SMNDC1: variants seen among roughly 807,000 people sequenced by gnomAD.
SMNDC1 encodes the protein survival motor neuron domain containing 1.
Under a neutral mutation model 29.2 loss-of-function variants are expected in SMNDC1, and 5 were observed. The ratio of observed to expected loss-of-function variants is 0.17; its 90% CI spans 0.09 to 0.36. The LOEUF is 0.36. Ranked by LOEUF, SMNDC1 falls within the 10% of genes least tolerant of loss-of-function variation. The pLI is 1.00. For missense variants in SMNDC1, 142 were observed against 268.5 expected, an observed-to-expected ratio of 0.53 and a Z score of 3.29; for synonymous variants, 80 against 89.9, an observed-to-expected ratio of 0.89 and a Z score of 0.62.
chr10:110,297,655 T>C lies in SMNDC1; in HGVS notation c.337A>G (p.Asn113Asp). 1.2e-6 allele frequency: 2 copies of C among 1,614,062 alleles called. No individual in the cohort carries two copies. Among genetic ancestry groups the C allele is most frequent in the Non-Finnish European group, 1.7e-6 (2 of 1,179,968 alleles). ...TAAITFAGYGNAEVTPLLNLK... is the reference protein window; with the variant it reads ...TAAITFAGYGDAEVTPLLNLK... ...TTCAACAGTGGAGTCACTTCAGCAT[T>C]GCCATAACCAGCAAAGGTGATTGCA... Residue 113 changes from asparagine to aspartate, a missense_variant, in exon 4 of 6, where the codon AAT becomes GAT. Coordinates refer to ENST00000369603, the MANE Select transcript of SMNDC1 (RefSeq NM_005871.4).
chr10:110,298,752 T>C lies in SMNDC1; in HGVS notation c.159A>G (p.Gln53=), dbSNP rs190095495. 1.4e-5 allele frequency: 22 copies of C among 1,613,764 alleles called. No homozygotes were observed. The highest frequency in any genetic ancestry group is 8.3e-5 in the Admixed American group (5 of 59,966). ...CTGAACTTGCAAGCGTCTCAGAAGG[T>C]TGAGTTGACAGAAGGTCTTTGGTTA... is the stretch of plus-strand genomic sequence containing the variant. ...IELTKDLLST[Q]PSETLASSDS... is the part of the protein sequence containing the mutation. Residue 53 remains glutamine (Q), a synonymous_variant, in exon 3 of 6, where the codon CAA becomes CAG. Coordinates refer to ENST00000369603, the MANE Select transcript of SMNDC1 (RefSeq NM_005871.4).
intron 4 of SMNDC1, among the ~76,000 whole-genome samples, chr10:110,297,204 G>A (rs1369081561): frequency 6.6e-6 from 1 of 152,096 alleles, no homozygotes; most frequent in East Asian, 1.9e-4. Flanking sequence ...TGTTTACACT[G>A]TACTATTAAA....
intron 1 of SMNDC1, 73 bp from the exon 2 acceptor site, chr10:110,303,660 T>C: frequency 6.8e-7 from 1 of 1,471,296 alleles, no homozygotes. Context: ...AACTCCCCTG[T>C]CTGCCTGAAT....
chr10:110,299,211 C>T (rs1163480574), intron 2 of SMNDC1, among the ~76,000 whole-genome samples: 1 of 152,208 alleles, frequency 6.6e-6, no homozygotes, highest in Non-Finnish European at 1.5e-5. Flanking sequence ...GCAGTATTAA[C>T]TGCCAAGCAA....
At chr10:110,303,361 T>A in intron 2 of SMNDC1, 107 bp downstream of exon 2, 1 of 930,942 alleles carries the variant, frequency 1.1e-6, no homozygotes, top group South Asian at 2.0e-5. Context: ...AATTTACATA[T>A]ATACATAGGG....
At chr10:110,298,064 C>G (rs1198136156) in intron 3 of SMNDC1, among the ~76,000 whole-genome samples, 1 of 152,206 alleles carries the variant, frequency 6.6e-6, no homozygotes, top group Admixed American at 6.5e-5. Context: ...TCTCAGCTCA[C>G]TTCAACCTCC....
Position 110,292,290 on chromosome 10 carries a change from T to A in SMNDC1, c.*1860A>T, listed in dbSNP as rs1309760735. 6.6e-6 allele frequency: 1 copy of A among 151,756 alleles called. No individual in the cohort carries two copies. The highest frequency in any genetic ancestry group is 1.5e-5 in the Non-Finnish European group (1 of 67,928). 9.4% of individuals were successfully genotyped at this position (151,756 alleles called of 1,614,324 possible). A position where few individuals can be genotyped will look rare whatever the true frequency, so the allele number is the denominator to read the frequency against. ...AAAGGTCTATTTTCAAAACATTTTT[T>A]TTTAAGGTCACTTTTATTCTTTTTC... On this transcript the variant is annotated 3_prime_UTR_variant, in exon 6 of 6. Coordinates refer to ENST00000369603, the MANE Select transcript of SMNDC1 (RefSeq NM_005871.4).
rs765877440 is a variant in SMNDC1 at position 110,303,795 on chromosome 10, T to C, written c.1-208A>G. ...GCAACAGATTCTGAGGATTATAAAC[T>C]TGAGATACATTCCATACTTTAAAAA... On this transcript the variant is annotated intron_variant, in intron 1 of 5. Transcript: ENST00000369603. 3 of 496,374 alleles carry C rather than the reference T, an allele frequency of 6.0e-6. No homozygotes were observed. The Admixed American group carries it at 1.3e-4, about 22-fold the overall frequency. The allele number at this position is 496,374 out of a possible 1,614,324, so 30.7% of individuals were successfully genotyped here.
At chr10:110,302,859 G>T (rs1404929371) in intron 2 of SMNDC1, among the ~76,000 whole-genome samples, 3 of 152,134 alleles carry the variant, frequency 2.0e-5, no homozygotes, top group Non-Finnish European at 4.4e-5. Flanking sequence ...CCATGACAAA[G>T]ATCTCCTTTT....
At chr10:110,303,086 C>A (rs956321606) in intron 2 of SMNDC1, among the ~76,000 whole-genome samples, 1 of 151,740 alleles carries the variant, frequency 6.6e-6, no homozygotes, top group African/African-American at 2.4e-5. Context: ...TCTTAAGGTT[C>A]TATTTTTCTC....
intron 2 of SMNDC1, among the ~76,000 whole-genome samples, chr10:110,301,188 A>G (rs914874949): frequency 3.9e-5 from 6 of 152,234 alleles, no homozygotes; most frequent in African/African-American, 1.4e-4. Context: ...TTCACCAAAT[A>G]TAACAAGCTG....
chr10:110,297,600 G>GCCTT lies in SMNDC1; in HGVS notation c.388_391dup (p.Ala131GlufsTer22). 6.2e-7 allele frequency: 1 copy of GCCTT among 1,613,868 alleles called. No homozygotes were observed. ...GGGTTTGTTGCCACTGTCCTCCTTT[G>GCCTT]CCTTCCTTCCTTCTTCTACAGGCTT... On this transcript the variant is annotated frameshift_variant, in exon 4 of 6. Coordinates refer to ENST00000369603, the MANE Select transcript of SMNDC1 (RefSeq NM_005871.4). LOFTEE classifies it high-confidence loss of function.
chr10:110,304,177 A>G (rs2134506322), intron 1 of SMNDC1: 1 of 152,378 alleles, frequency 6.6e-6, no homozygotes, highest in Middle Eastern at 3.4e-3. Flanking sequence ...CCATTTAGGC[A>G]TTCTAACGAA....
Position 110,291,900 on chromosome 10 carries a change from T to C in SMNDC1, c.*2250A>G, listed in dbSNP as rs1283794571. The C allele has an allele frequency of 6.6e-6, 1 of 152,218 alleles. No homozygotes were observed. The highest frequency in any genetic ancestry group is 1.5e-5 in the Non-Finnish European group (1 of 68,022). 9.4% of individuals were successfully genotyped at this position (152,218 alleles called of 1,614,324 possible). A position where few individuals can be genotyped will look rare whatever the true frequency, so the allele number is the denominator to read the frequency against. On this transcript the variant is annotated 3_prime_UTR_variant, in exon 6 of 6. Transcript: ENST00000369603. ...AAACGTCAAGCTTTGGTAAGTTACA[T>C]GCAACCATTTCTACTTAGGGGCCCA...
At chr10:110,303,383 C>A in intron 2 of SMNDC1, 85 bp downstream of exon 2, 1 of 1,265,172 alleles carries the variant, frequency 7.9e-7, no homozygotes, top group Non-Finnish European at 1.1e-6. Flanking sequence ...GGGGTGTAAC[C>A]CCTCAAAAGG....
chr10:110,296,340 T>C (rs10509914), intron 4 of SMNDC1, among the ~76,000 whole-genome samples: 66,962 of 152,002 alleles, frequency 0.44, 17,686 homozygotes, highest in East Asian at 0.84. Context: ...CGGTACCATA[T>C]TACCACCATG....
chr10:110,299,077 T>G, intron 2 of SMNDC1, among the ~76,000 whole-genome samples: 1 of 152,348 alleles, frequency 6.6e-6, no homozygotes, highest in African/African-American at 2.4e-5. Flanking sequence ...GCATTATTTC[T>G]AAGTGCCTAT....
rs1857525668 is a variant in SMNDC1 at position 110,293,680 on chromosome 10, T to C, written c.*470A>G. Reference sequence around the variant, plus strand: ...TTTACAAATTAACCTATCTTTAAGCTTAACTGAACGACAGCTAAGTTTTAA... The same window carrying C: ...TTTACAAATTAACCTATCTTTAAGCCTAACTGAACGACAGCTAAGTTTTAA... On this transcript the variant is annotated 3_prime_UTR_variant, in exon 6 of 6. Coordinates refer to ENST00000369603, the MANE Select transcript of SMNDC1 (RefSeq NM_005871.4). 1 of 152,274 alleles carries C rather than the reference T, an allele frequency of 6.6e-6. No homozygotes were observed. The highest frequency in any genetic ancestry group is 1.5e-5 in the Non-Finnish European group (1 of 68,064). 9.4% of individuals were successfully genotyped at this position (152,274 alleles called of 1,614,324 possible).
intron 3 of SMNDC1, 28 bp downstream of exon 3, chr10:110,298,620 T>C (rs2134501512): frequency 6.4e-7 from 1 of 1,568,266 alleles, no homozygotes; most frequent in South Asian, 1.2e-5. Flanking sequence ...TTTCATGTTA[T>C]AGTTAGAGTT....
Sources: gnomAD v4.1 joint callset for allele counts (sites outside exome capture counted in the v4.1 genomes callset) on GRCh38, gnomAD v4.1.1 for gene constraint, MANE v1.5 for transcripts, NCBI Gene and HGNC (gene_info 2026-07-23, HGNC 2026-07-21) for gene names.